The following PDCD7 variants were observed in gnomAD, a reference collection of about 807,000 sequenced individuals.
PDCD7 encodes the protein programmed cell death protein 7.
Under a neutral mutation model 42.1 loss-of-function variants are expected in PDCD7, and 40 were observed. That is an observed-to-expected ratio of 0.95 (90% CI 0.74 to 1.24). PDCD7 has a LOEUF of 1.24. PDCD7 is among the 50% of genes most tolerant of loss of function. The probability of loss-of-function intolerance (pLI) is 0.00; values close to 1 mark genes in which losing one functional copy is unlikely to be tolerated. For synonymous variants in PDCD7, 299 were observed against 303.3 expected, an observed-to-expected ratio of 0.99 and a Z score of 0.15; for missense variants, 644 against 662.8, an observed-to-expected ratio of 0.97 and a Z score of 0.31.
At chr15:65,121,994 T>C (rs991050700) in intron 2 of PDCD7, among the ~76,000 whole-genome samples, 11 of 152,120 alleles carry the variant, frequency 7.2e-5, no homozygotes, top group Admixed American at 2.6e-4. Flanking sequence ...ATCCTGTCAG[T>C]CCTTGAAGAT....
intron 1 of PDCD7, among the ~76,000 whole-genome samples, chr15:65,132,124 G>GTGTGTGTATATATATA (rs892091863): frequency 5.7e-5 from 8 of 140,956 alleles, no homozygotes; most frequent in African/African-American, 1.8e-4. Context: ...GTATGTATGT[G>GTGTGTGTATATATATA]TATATATATA....
At position 65,127,586 on chromosome 15, in the gene PDCD7, T is replaced by A. The variant is rs367631946; in HGVS notation, c.1009+1446A>T. 3.3e-5 allele frequency among the ~76,000 whole-genome samples: 5 copies of A among 152,306 alleles called. No individual in the cohort carries two copies. In the East Asian group the frequency reaches 9.6e-4, roughly 29 times the overall value. On this transcript the variant is annotated intron_variant, in intron 2 of 4. Coordinates refer to ENST00000204549, the MANE Select transcript of PDCD7 (RefSeq NM_005707.2). ...CTGCTTAAACATCCAGCCTCATCATTCAGCACTTAGTTGGAGGTGCACACA... is the reference window on the plus strand; with the variant it reads ...CTGCTTAAACATCCAGCCTCATCATACAGCACTTAGTTGGAGGTGCACACA...
intron 1 of PDCD7, 129 bp from the exon 2 acceptor site, chr15:65,129,299 A>C: frequency 1.9e-6 from 2 of 1,044,100 alleles, no homozygotes; most frequent in Non-Finnish European, 2.8e-6. Context: ...TTGAATCTCC[A>C]TCCCAATTTC....
chr15:65,129,008 A>G, intron 2 of PDCD7, 24 bp downstream of exon 2: 1 of 1,613,574 alleles, frequency 6.2e-7, no homozygotes. Flanking sequence ...GGGAACAAGG[A>G]AAGAAATGCA....
intron 2 of PDCD7, among the ~76,000 whole-genome samples, chr15:65,123,731 CT>C (rs1177741877): frequency 6.6e-6 from 1 of 152,190 alleles, no homozygotes; most frequent in Non-Finnish European, 1.5e-5. Context: ...CTCCTAACTG[CT>C]TTGCTTCTAC....
At position 65,133,495 on chromosome 15, in the gene PDCD7, C is replaced by G; in HGVS notation, c.287G>C (p.Arg96Pro). Residue 96 changes from arginine to proline, a missense_variant, in exon 1 of 5, where the codon CGG becomes CCG. Physicochemically the swap from Arg to Pro is moderately radical, Grantham distance 103. Coordinates refer to ENST00000204549, the MANE Select transcript of PDCD7 (RefSeq NM_005707.2). The part of the protein sequence containing the change: ...PPLPPPPPQC[R>P]PFPGTDAGER... ...GCCGGCGTCGGTCCCCGGGAAGGGC[C>G]GACACTGGGGCGGCGGAGGAGGCAG... The G allele has an allele frequency of 3.3e-6, 4 of 1,224,842 alleles. No individual in the cohort carries two copies. Among genetic ancestry groups the G allele is most frequent in the Non-Finnish European group, 4.1e-6 (4 of 983,692 alleles). The allele number at this position is 1,224,842 out of a possible 1,614,324, so 75.9% of individuals were successfully genotyped here.
chr15:65,125,917 G>A (rs1384317319), intron 2 of PDCD7, among the ~76,000 whole-genome samples: 1 of 152,218 alleles, frequency 6.6e-6, no homozygotes, highest in African/African-American at 2.4e-5. Flanking sequence ...GAGGAGCAAA[G>A]TTATATCTTA....
chr15:65,129,471 C>T lies in PDCD7; in HGVS notation c.871-301G>A, dbSNP rs180978549. Among the ~76,000 whole-genome samples, 8 of 152,300 alleles carry T rather than the reference C, an allele frequency of 5.3e-5. No homozygotes were observed. The East Asian group carries it at 1.5e-3, about 29-fold the overall frequency. Reference sequence around the variant, plus strand: ...AAAGTGTAGTGCAGAGATCAGGTGTCCAACTTACCTTGTTAAGCTGAGACT... The same window carrying T: ...AAAGTGTAGTGCAGAGATCAGGTGTTCAACTTACCTTGTTAAGCTGAGACT... On this transcript the variant is annotated intron_variant, in intron 1 of 4. Transcript: ENST00000204549.
Position 65,129,050 on chromosome 15 carries a change from C to G in PDCD7, c.991G>C (p.Glu331Gln), listed in dbSNP as rs1566972865. Residue 331 changes from glutamate (E) to glutamine (Q), a missense_variant, in exon 2 of 5, where the codon GAG (glutamate) becomes CAG (glutamine). Transcript: ENST00000204549. ...CAGTTACCTTTCCTCGCTGCAGCCTCTTTCCTCAGTTTCCTCAATTTCTCC... is the reference window on the plus strand; with the variant it reads ...CAGTTACCTTTCCTCGCTGCAGCCTGTTTCCTCAGTTTCCTCAATTTCTCC... ...ALEKLRKLRK[E>Q]AAARKGVCPP... 1 of 1,614,154 alleles carries G rather than the reference C, an allele frequency of 6.2e-7. No individual in the cohort carries two copies.
chr15:65,133,325 T>C lies in PDCD7; in HGVS notation c.457A>G (p.Thr153Ala), dbSNP rs2140589882. ...DRQWLEAVFG[T>A]PRRAGCPVPQ... ...ACCGGACAGCCTGCCCGCCGCGGGG[T>C]CCCGAACACCGCCTCCAGCCACTGC... The change falls in exon 1 of 5, where the codon ACC (threonine) becomes GCC (alanine). Residue 153 changes from threonine (T) to alanine (A), a missense_variant. Thr to Ala is a moderately conservative substitution (Grantham distance 58). Coordinates refer to ENST00000204549, the MANE Select transcript of PDCD7 (RefSeq NM_005707.2). 7.8e-7 allele frequency: 1 copy of C among 1,288,290 alleles called. No individual in the cohort carries two copies. The highest frequency in any genetic ancestry group is 9.8e-7 in the Non-Finnish European group (1 of 1,020,640). 79.8% of individuals were successfully genotyped at this position (1,288,290 alleles called of 1,614,324 possible).
At chr15:65,122,963 C>T (rs948017626) in intron 2 of PDCD7, among the ~76,000 whole-genome samples, 2 of 150,428 alleles carry the variant, frequency 1.3e-5, no homozygotes, top group Non-Finnish European at 3.0e-5. Flanking sequence ...GATCGCACCA[C>T]GGCACTCCAG....
chr15:65,132,971 C>T lies in PDCD7; in HGVS notation c.811G>A (p.Glu271Lys), dbSNP rs748703488. The stretch of plus-strand genomic sequence containing the variant: ...ACCCTCCAGCGGTCAATCTCCTGCT[C>T]GCGTTCCACTGCCCGCGCGGCCTCT... ...EAEAARAVER[E>K]QEIDRWRVKC... The change falls in exon 1 of 5, where the codon GAG becomes AAG. Residue 271 changes from glutamate to lysine, a missense_variant. Glu to Lys is a moderately conservative substitution (Grantham distance 56). Coordinates refer to ENST00000204549, the MANE Select transcript of PDCD7 (RefSeq NM_005707.2). The T allele has an allele frequency of 3.1e-6, 5 of 1,606,136 alleles. No individual in the cohort carries two copies. The highest frequency in any genetic ancestry group is 1.1e-5 in the South Asian group (1 of 91,076).
Position 65,127,814 on chromosome 15 carries a change from A to G in PDCD7, c.1009+1218T>C, listed in dbSNP as rs558964917. 2.0e-5 allele frequency among the ~76,000 whole-genome samples: 3 copies of G among 152,348 alleles called. No homozygotes were observed. The South Asian group carries it at 6.2e-4, about 32-fold the overall frequency. ...AATGCTGGTAAATTCACTTGGCAGA[A>G]GTTTACTGAGCACTCACCTCATAGA... On this transcript the variant is annotated intron_variant, in intron 2 of 4. Coordinates refer to ENST00000204549, the MANE Select transcript of PDCD7 (RefSeq NM_005707.2).
chr15:65,131,676 G>C (rs2087541095), intron 1 of PDCD7, among the ~76,000 whole-genome samples: 1 of 152,200 alleles, frequency 6.6e-6, no homozygotes, highest in African/African-American at 2.4e-5. Flanking sequence ...TTGAACCCGG[G>C]AGGTGGAGGT....
At chr15:65,120,019 C>A in intron 2 of PDCD7, 65 bp from the exon 3 acceptor site, 1 of 1,523,090 alleles carries the variant, frequency 6.6e-7, no homozygotes, top group Non-Finnish European at 8.8e-7. Context: ...CTCGCTCTAA[C>A]ACCCAGGCTG....
At chr15:65,127,480 A>AG (rs1566972599) in intron 2 of PDCD7, among the ~76,000 whole-genome samples, 1 of 152,032 alleles carries the variant, frequency 6.6e-6, no homozygotes, top group East Asian at 1.9e-4. Flanking sequence ...AAAAAAAAAA[A>AG]AAAACTTTCA....
At position 65,119,765 on chromosome 15, in the gene PDCD7, A is replaced by G. The variant is rs1595926225; in HGVS notation, c.1199T>C (p.Ile400Thr). 2.5e-6 allele frequency: 4 copies of G among 1,612,312 alleles called. No homozygotes were observed. The highest frequency in any genetic ancestry group is 3.4e-6 in the Non-Finnish European group (4 of 1,179,598). Residue 400 changes from isoleucine to threonine, a missense_variant, in exon 3 of 5, where the codon ATT becomes ACT. Transcript: ENST00000204549. ...CTCAATTTCACGTTTCTGAAGTAAA[A>G]TTTTCTCTTTTTCTTTTCTTTGTTT... is the stretch of plus-strand genomic sequence containing the variant. ...EKKQRKEKEKILLQKREIESK... is the reference protein window; with the variant it reads ...EKKQRKEKEKTLLQKREIESK...
chr15:65,122,737 G>C (rs2087465617), intron 2 of PDCD7, among the ~76,000 whole-genome samples: 1 of 152,118 alleles, frequency 6.6e-6, no homozygotes. Flanking sequence ...GCCGGGCAGG[G>C]TGGCTCCTGT....
At chr15:65,132,127 TATA>T (rs1165991337) in intron 1 of PDCD7, among the ~76,000 whole-genome samples, 3 of 12,764 alleles carry the variant, frequency 2.4e-4, no homozygotes, top group Non-Finnish European at 8.3e-4. Flanking sequence ...TGTATGTGTA[TATA>T]TATATATATA....
Sources: gnomAD v4.1 joint callset for allele counts (sites outside exome capture counted in the v4.1 genomes callset) on GRCh38, gnomAD v4.1.1 for gene constraint, MANE v1.5 for transcripts, NCBI Gene and HGNC (gene_info 2026-07-23, HGNC 2026-07-21) for gene names.